Variants in LRMDA observed in about 807,000 individuals in gnomAD.
LRMDA encodes leucine-rich melanocyte differentiation-associated protein.
Under a neutral mutation model 29.8 loss-of-function variants are expected in LRMDA, and 18 were observed. The observed-to-expected ratio is 0.60, with a 90% CI of 0.42 to 0.90. LRMDA has a LOEUF of 0.90. Ranked by LOEUF, LRMDA falls within the 40% of genes least tolerant of loss-of-function variation. The pLI is 0.00. For missense variants in LRMDA, 273 were observed against 273.9 expected (o/e 1.00, Z 0.02); for synonymous variants, 125 against 109.4 (o/e 1.14, Z -0.89).
chr10:76,265,666 G>A (rs1414677994), intron 5 of LRMDA, among the ~76,000 whole-genome samples: 1 of 152,174 alleles, frequency 6.6e-6, no homozygotes, highest in East Asian at 1.9e-4. Context: ...GGCCCTTATG[G>A]GCTGAGTTCC....
intron 5 of LRMDA, among the ~76,000 whole-genome samples, chr10:76,258,470 T>C (rs1006491911): frequency 6.6e-6 from 1 of 152,222 alleles, no homozygotes; most frequent in Admixed American, 6.5e-5. Flanking sequence ...GAACATTCAA[T>C]ATCCTTCTTC....
intron 2 of LRMDA, among the ~76,000 whole-genome samples, chr10:75,731,743 C>T (rs894556753): frequency 5.3e-5 from 8 of 152,184 alleles, no homozygotes; most frequent in Admixed American, 6.5e-5. Context: ...AACTCTGATA[C>T]GATAGAAATG....
chr10:75,514,518 C>T (rs1315012604), intron 2 of LRMDA, among the ~76,000 whole-genome samples: 2 of 151,976 alleles, frequency 1.3e-5, no homozygotes, highest in Non-Finnish European at 2.9e-5. Context: ...GAAATTTGGT[C>T]CCCAGTGTTG....
chr10:75,784,361 A>G (rs764906343), intron 2 of LRMDA, among the ~76,000 whole-genome samples: 2 of 152,230 alleles, frequency 1.3e-5, no homozygotes, highest in Non-Finnish European at 2.9e-5. Context: ...CCTGGTATGT[A>G]CATGTTAACC....
At chr10:76,468,869 G>C (rs1299100703) in intron 6 of LRMDA, among the ~76,000 whole-genome samples, 2 of 152,156 alleles carry the variant, frequency 1.3e-5, no homozygotes, top group East Asian at 3.9e-4. Context: ...TAAGAGGCAT[G>C]GAGAGGGAGA....
intron 5 of LRMDA, among the ~76,000 whole-genome samples, chr10:76,302,231 G>A (rs1243181428): frequency 6.6e-6 from 1 of 152,184 alleles, no homozygotes; most frequent in Non-Finnish European, 1.5e-5. Flanking sequence ...GAGGGAGGAA[G>A]TGGAGCAGAG....
chr10:76,508,451 T>C, intron 6 of LRMDA, among the ~76,000 whole-genome samples: 1 of 152,212 alleles, frequency 6.6e-6, no homozygotes, highest in East Asian at 1.9e-4. Flanking sequence ...CTCCTATTTA[T>C]ATATTTACTT....
chr10:75,484,531 TG>T, intron 2 of LRMDA, among the ~76,000 whole-genome samples: 1 of 152,338 alleles, frequency 6.6e-6, no homozygotes, highest in South Asian at 2.1e-4. Context: ...TTTCAGGATT[TG>T]TTCTGTGTTT....
intron 5 of LRMDA, among the ~76,000 whole-genome samples, chr10:76,073,034 C>G (rs886504949): frequency 6.6e-6 from 1 of 152,128 alleles, no homozygotes; most frequent in Non-Finnish European, 1.5e-5. Context: ...TTACCACCCC[C>G]CACAAACCTC....
intron 5 of LRMDA, among the ~76,000 whole-genome samples, chr10:76,127,966 A>T (rs563815134): frequency 2.0e-5 from 3 of 152,214 alleles, no homozygotes; most frequent in Non-Finnish European, 2.9e-5. Flanking sequence ...ACTTAAAAAA[A>T]AACAACAACA....
intron 5 of LRMDA, among the ~76,000 whole-genome samples, chr10:76,250,466 T>A (rs1852456545): frequency 6.6e-6 from 1 of 152,200 alleles, no homozygotes; most frequent in Non-Finnish European, 1.5e-5. Flanking sequence ...TTATGATACA[T>A]TTCTAGGCTG....
At chr10:75,480,941 G>GT (rs1411510763) in intron 2 of LRMDA, among the ~76,000 whole-genome samples, 1 of 152,102 alleles carries the variant, frequency 6.6e-6, no homozygotes, top group African/African-American at 2.4e-5. Context: ...TGACTCTTGG[G>GT]TTTTTTGTTG....
At chr10:75,740,914 CATAT>C (rs146363680) in intron 2 of LRMDA, among the ~76,000 whole-genome samples, 2 of 149,606 alleles carry the variant, frequency 1.3e-5, no homozygotes, top group African/African-American at 4.9e-5. Flanking sequence ...GCCTGTCATT[CATAT>C]ATATATATAT....
At chr10:75,565,665 G>A (rs1484485045) in intron 2 of LRMDA, among the ~76,000 whole-genome samples, 6 of 152,196 alleles carry the variant, frequency 3.9e-5, no homozygotes, top group African/African-American at 1.4e-4. Context: ...TATTTTACTA[G>A]CCAATAAATA....
chr10:76,483,554 T>A (rs555587608), intron 6 of LRMDA, among the ~76,000 whole-genome samples: 2 of 151,958 alleles, frequency 1.3e-5, no homozygotes, highest in South Asian at 4.2e-4. Flanking sequence ...ATAGGGACTA[T>A]CCTTAATTGT....
At chr10:76,504,805 G>T (rs954723194) in intron 6 of LRMDA, among the ~76,000 whole-genome samples, 39 of 152,078 alleles carry the variant, frequency 2.6e-4, no homozygotes, top group African/African-American at 9.2e-4. Context: ...TACATTCAGG[G>T]TTATTATTGA....
chr10:75,665,418 G>A (rs1249662123), intron 2 of LRMDA, among the ~76,000 whole-genome samples: 3 of 152,052 alleles, frequency 2.0e-5, no homozygotes, highest in Admixed American at 2.0e-4. Context: ...ATTCATTATT[G>A]TTTGCCTCCA....
At chr10:75,499,553 G>A (rs1248641198) in intron 2 of LRMDA, among the ~76,000 whole-genome samples, 7 of 152,238 alleles carry the variant, frequency 4.6e-5, no homozygotes, top group East Asian at 1.9e-4. Context: ...GGGGTGTGCA[G>A]TGCTTAGCAT....
chr10:75,442,457 T>G (rs770715213), intron 2 of LRMDA, among the ~76,000 whole-genome samples: 19 of 152,326 alleles, frequency 1.2e-4, no homozygotes, highest in Admixed American at 2.6e-4. Flanking sequence ...AGAGATCAGT[T>G]TTTTCTTCCA....
Sources: allele counts gnomAD v4.1 joint callset (sites outside exome capture counted in the v4.1 genomes callset), GRCh38; gene constraint gnomAD v4.1.1; transcripts MANE v1.5; gene names NCBI Gene and HGNC (gene_info 2026-07-23, HGNC 2026-07-21).